IGSF11: variants seen among roughly 807,000 people sequenced by gnomAD.
The protein encoded by IGSF11 is CXADR like 1.
Under a neutral mutation model 41.0 loss-of-function variants are expected in IGSF11, and 22 were observed. The ratio of observed to expected loss-of-function variants is 0.54; its 90% confidence interval spans 0.38 to 0.77. The LOEUF (loss-of-function observed/expected upper bound fraction) is 0.77. Among genes scored for constraint, IGSF11 ranks in the 30% least tolerant of loss-of-function variants. IGSF11 has a pLI of 0.00. For missense variants in IGSF11, 444 were observed against 530.8 expected (o/e 0.84, Z 1.61); for synonymous variants, 219 against 201.3 (o/e 1.09, Z -0.74).
At chr3:119,073,243 G>C (rs1031420396) in intron 1 of IGSF11, among the ~76,000 whole-genome samples, 9 of 152,152 alleles carry the variant, frequency 5.9e-5, no homozygotes, top group Non-Finnish European at 1.2e-4. Flanking sequence ...CCTTGAGCTA[G>C]ACACAGGGTG....
At chr3:118,983,926 C>T (rs1934994795) in intron 1 of IGSF11, among the ~76,000 whole-genome samples, 1 of 152,108 alleles carries the variant, frequency 6.6e-6, no homozygotes, top group South Asian at 2.1e-4. Context: ...CACATTTCCT[C>T]TCAGGTCTTT....
chr3:119,106,436 C>T (rs1234066524), upstream of IGSF11, among the ~76,000 whole-genome samples: 2 of 152,124 alleles, frequency 1.3e-5, no homozygotes, highest in East Asian at 3.9e-4. Context: ...TCGTTTCTAG[C>T]TCCCACAAAT....
intron 1 of IGSF11, among the ~76,000 whole-genome samples, chr3:119,056,654 G>A (rs918811658): frequency 2.0e-5 from 3 of 152,154 alleles, no homozygotes; most frequent in Non-Finnish European, 2.9e-5. Context: ...CCAAAGCCTG[G>A]CAGAGACACA....
chr3:118,960,619 GA>G (rs1383561540), intron 1 of IGSF11, among the ~76,000 whole-genome samples: 1 of 151,348 alleles, frequency 6.6e-6, no homozygotes, highest in African/African-American at 2.4e-5. Flanking sequence ...AATTTAAGGG[GA>G]AAAAAACAAA....
chr3:118,909,320 A>C (rs78353256), intron 4 of IGSF11, among the ~76,000 whole-genome samples: 1 of 152,148 alleles, frequency 6.6e-6, no homozygotes, highest in African/African-American at 2.4e-5. Flanking sequence ...ATAATAATGG[A>C]TGTATACTTG....
At chr3:118,944,226 CT>C (rs1943939409) in intron 1 of IGSF11, among the ~76,000 whole-genome samples, 1 of 152,094 alleles carries the variant, frequency 6.6e-6, no homozygotes, top group African/African-American at 2.4e-5. Context: ...TTTAGAAGTT[CT>C]CTTGAAGTCT....
intron 1 of IGSF11, among the ~76,000 whole-genome samples, chr3:119,122,899 C>T (rs1004913674): frequency 6.6e-6 from 1 of 152,240 alleles, no homozygotes; most frequent in Middle Eastern, 3.4e-3. Flanking sequence ...TGGCTTCAGG[C>T]GAGACACAGC....
chr3:118,927,291 T>C (rs1380565115), intron 3 of IGSF11, among the ~76,000 whole-genome samples: 1 of 152,202 alleles, frequency 6.6e-6, no homozygotes, highest in Non-Finnish European at 1.5e-5. Context: ...GGGCTTTTTA[T>C]CTTCTTTTTA....
At chr3:118,998,736 T>C (rs980688070) in intron 1 of IGSF11, among the ~76,000 whole-genome samples, 1 of 152,154 alleles carries the variant, frequency 6.6e-6, no homozygotes, top group Non-Finnish European at 1.5e-5. Context: ...TTTTGATGCC[T>C]CAATATAACC....
intron 1 of IGSF11, among the ~76,000 whole-genome samples, chr3:119,042,047 T>G (rs573008232): frequency 6.6e-6 from 1 of 152,370 alleles, no homozygotes; most frequent in Admixed American, 6.5e-5. Context: ...TCCCCTAATA[T>G]ATATATGAGA....
At chr3:119,111,267 T>A (rs2077153465) in intron 1 of IGSF11, among the ~76,000 whole-genome samples, 1 of 152,224 alleles carries the variant, frequency 6.6e-6, no homozygotes, top group African/African-American at 2.4e-5. Context: ...TAGACCCATA[T>A]TTCTTGGAGG....
chr3:118,957,026 T>C (rs1945008959), intron 1 of IGSF11, among the ~76,000 whole-genome samples: 1 of 151,848 alleles, frequency 6.6e-6, no homozygotes, highest in African/African-American at 2.4e-5. Context: ...TCCCATGATT[T>C]TCCATCTACA....
At chr3:119,102,612 ATTGCATC>A (rs2076954698) in intron 1 of IGSF11, among the ~76,000 whole-genome samples, 1 of 152,176 alleles carries the variant, frequency 6.6e-6, no homozygotes, top group Non-Finnish European at 1.5e-5. Context: ...ATATTCAAAT[ATTGCATC>A]TAGTCCATTG....
At chr3:119,062,963 A>G (rs2107455712) in intron 1 of IGSF11, among the ~76,000 whole-genome samples, 1 of 152,280 alleles carries the variant, frequency 6.6e-6, no homozygotes, top group African/African-American at 2.4e-5. Flanking sequence ...GAAAAGGACT[A>G]AACATAGGAC....
chr3:118,929,824 C>T (rs1942687031), intron 2 of IGSF11, among the ~76,000 whole-genome samples: 1 of 152,164 alleles, frequency 6.6e-6, no homozygotes, highest in Admixed American at 6.5e-5. Context: ...GTGATGGTGC[C>T]AGTCCCTTCT....
intron 1 of IGSF11, among the ~76,000 whole-genome samples, chr3:119,137,459 T>C (rs1301686116): frequency 6.6e-6 from 1 of 152,126 alleles, no homozygotes; most frequent in Non-Finnish European, 1.5e-5. Flanking sequence ...TCCAAGAACA[T>C]ACATTGCGGA....
chr3:118,962,979 C>T (rs1945442690), intron 1 of IGSF11, among the ~76,000 whole-genome samples: 1 of 152,122 alleles, frequency 6.6e-6, no homozygotes, highest in African/African-American at 2.4e-5. Context: ...CTCTGGTAGT[C>T]TTTACAAAAG....
In IGSF11 at chr3:119,105,070, C is replaced by T. The variant is rs895265846; in HGVS notation, c.49+74G>A. ...CATAGAAGTTAGTATCACAAAAAGC[C>T]TTTCACTCAGCCAGGCCATAAGAGA... On this transcript the variant is annotated intron_variant, in intron 1 of 6. Coordinates refer to the IGSF11 transcript ENST00000354673. The T allele has an allele frequency of 1.2e-5, 11 of 937,276 alleles. No homozygotes were observed. The African/African-American group carries it at 1.8e-4, about 16-fold the overall frequency. The allele number at this position is 937,276 out of a possible 1,614,324, so 58.1% of individuals were successfully genotyped here.
chr3:118,993,298 A>C (rs1450925970), intron 1 of IGSF11, among the ~76,000 whole-genome samples: 4 of 152,232 alleles, frequency 2.6e-5, no homozygotes, highest in Non-Finnish European at 5.9e-5. Flanking sequence ...AATCATTATA[A>C]AAATGCAAAA....
Sources: gnomAD v4.1 joint callset for allele counts (sites outside exome capture counted in the v4.1 genomes callset) on GRCh38, gnomAD v4.1.1 for gene constraint, MANE v1.5 for transcripts, NCBI Gene and HGNC (gene_info 2026-07-23, HGNC 2026-07-21) for gene names.